Variants in CELF4 observed in about 807,000 individuals in gnomAD.
CELF4 encodes the protein CUGBP Elav-like family member 4, also known as CUG-BP- and ETR-3-like factor 4.
CELF4 carries 18 observed loss-of-function variants against 59.9 expected under a neutral mutation model. The ratio of observed to expected loss-of-function variants is 0.30; its 90% CI spans 0.21 to 0.45. The LOEUF is 0.45. Among genes scored for constraint, CELF4 ranks in the 20% least tolerant of loss-of-function variants. The pLI, the probability that CELF4 is intolerant of heterozygous loss-of-function variation, is 1.00. For missense variants in CELF4, 456 were observed against 689.0 expected (o/e 0.66, Z 3.79); for synonymous variants, 261 against 267.1 (o/e 0.98, Z 0.22).
chr18:37,420,199 A>G (rs1569569334), intron 2 of CELF4, among the ~76,000 whole-genome samples: 1 of 152,210 alleles, frequency 6.6e-6, no homozygotes, highest in East Asian at 1.9e-4. Flanking sequence ...AGCAGGCAGC[A>G]GCTGGGAGAG....
chr18:37,285,690 C>T (rs1416149929), intron 3 of CELF4, among the ~76,000 whole-genome samples: 1 of 152,224 alleles, frequency 6.6e-6, no homozygotes, highest in Non-Finnish European at 1.5e-5. Flanking sequence ...CTGCCTCCCT[C>T]TCTGGCCTTC....
At chr18:37,522,695 C>A (rs961548419) in intron 1 of CELF4, among the ~76,000 whole-genome samples, 1 of 152,120 alleles carries the variant, frequency 6.6e-6, no homozygotes, top group Non-Finnish European at 1.5e-5. Flanking sequence ...GTCCCATCAC[C>A]CCTTCACACC....
At chr18:37,451,738 C>G (rs999366827) in intron 2 of CELF4, among the ~76,000 whole-genome samples, 1 of 152,162 alleles carries the variant, frequency 6.6e-6, no homozygotes, top group Non-Finnish European at 1.5e-5. Flanking sequence ...TCAGACATGA[C>G]GTGGGACAGC....
At chr18:37,265,666 G>A (rs2077185971) in intron 9 of CELF4, among the ~76,000 whole-genome samples, 1 of 152,144 alleles carries the variant, frequency 6.6e-6, no homozygotes, top group South Asian at 2.1e-4. Context: ...TCCTCTGCCT[G>A]GCCTGGCTCC....
In CELF4 at chr18:37,243,192, T is replaced by TC. The variant is rs1209951351; in HGVS notation, c.*2049_*2050insG. ...CTTTTTTTTTTCTTTTTTTCTTTTT[T>TC]TTTTTTTTTTTTTTACATCTGGACA... On this transcript the variant is annotated 3_prime_UTR_variant, in exon 13 of 13. Coordinates refer to ENST00000420428, the MANE Select transcript of CELF4 (RefSeq NM_020180.4). The TC allele has an allele frequency of 2.7e-5, 4 of 147,294 alleles. No homozygotes were observed. Among genetic ancestry groups the TC allele is most frequent in the African/African-American group, 1.0e-4 (4 of 40,168 alleles). 9.1% of individuals were successfully genotyped at this position (147,294 alleles called of 1,614,324 possible). A position where few individuals can be genotyped will look rare whatever the true frequency, so the allele number is the denominator to read the frequency against.
chr18:37,530,451 G>A (rs756109122), intron 1 of CELF4, among the ~76,000 whole-genome samples: 1 of 152,110 alleles, frequency 6.6e-6, no homozygotes, highest in East Asian at 1.9e-4. Flanking sequence ...GTGGCCCTAG[G>A]GGAGAAGCAA....
intron 1 of CELF4, among the ~76,000 whole-genome samples, chr18:37,506,766 T>A (rs1350337850): frequency 6.6e-6 from 1 of 152,198 alleles, no homozygotes; most frequent in Non-Finnish European, 1.5e-5. Context: ...ATGTGGCGCT[T>A]CCCTGGGAAA....
chr18:37,292,363 G>C (rs1432738135), intron 3 of CELF4, among the ~76,000 whole-genome samples: 1 of 152,190 alleles, frequency 6.6e-6, no homozygotes, highest in Non-Finnish European at 1.5e-5. Flanking sequence ...AGAAGTGGAG[G>C]ATTGTGGTGA....
At chr18:37,459,283 C>T (rs1177857907) in intron 2 of CELF4, among the ~76,000 whole-genome samples, 1 of 152,200 alleles carries the variant, frequency 6.6e-6, no homozygotes. Context: ...ATGACACTGG[C>T]TCCATGCTTA....
intron 2 of CELF4, among the ~76,000 whole-genome samples, chr18:37,441,091 T>C (rs973233420): frequency 1.3e-5 from 2 of 152,180 alleles, no homozygotes; most frequent in African/African-American, 4.8e-5. Context: ...TCAGACTGTC[T>C]CTCCCCGCTG....
Position 37,361,094 on chromosome 18 carries a change from A to T in CELF4, c.370-39213T>A, listed in dbSNP as rs76792387. Reference sequence around the variant, plus strand: ...AATGCTGGACATACATTAAGCCTTGACAATTCTGCTTGTGAAGGCCATTCA... The same window carrying T: ...AATGCTGGACATACATTAAGCCTTGTCAATTCTGCTTGTGAAGGCCATTCA... On this transcript the variant is annotated intron_variant, in intron 2 of 12. Coordinates refer to ENST00000420428, the MANE Select transcript of CELF4 (RefSeq NM_020180.4). Among the ~76,000 whole-genome samples the T allele has an allele frequency of 2.9e-3, 434 of 152,184 alleles. 19 individuals carry two copies. In the East Asian group the frequency reaches 0.065, roughly 23 times the overall value.
At chr18:37,314,589 C>T (rs1176034414) in intron 3 of CELF4, among the ~76,000 whole-genome samples, 1 of 152,136 alleles carries the variant, frequency 6.6e-6, no homozygotes, top group Non-Finnish European at 1.5e-5. Flanking sequence ...GGTAGGGGAA[C>T]ATAAAAGATG....
chr18:37,316,055 G>A (rs2096858570), intron 3 of CELF4, among the ~76,000 whole-genome samples: 1 of 152,136 alleles, frequency 6.6e-6, no homozygotes, highest in Non-Finnish European at 1.5e-5. Flanking sequence ...GGGCTGCAGG[G>A]CAGCTTCCTA....
In CELF4 at chr18:37,533,092, A is replaced by G. The variant is rs1457064889; in HGVS notation, c.286+32264T>C. On this transcript the variant is annotated intron_variant, in intron 1 of 12. Coordinates refer to ENST00000420428, the MANE Select transcript of CELF4 (RefSeq NM_020180.4). ...CACTTCCAGAACGCAGCCTTCCAGC[A>G]AGCTGGCCCAGCCACTCCAGATACC... Among the ~76,000 whole-genome samples, 14 of 152,264 alleles carry G rather than the reference A, an allele frequency of 9.2e-5. 1 individual carries two copies. Among genetic ancestry groups the G allele is most frequent in the Non-Finnish European group, 2.1e-4 (14 of 68,048 alleles).
At chr18:37,461,971 T>C (rs1398871665) in intron 2 of CELF4, among the ~76,000 whole-genome samples, 1 of 152,128 alleles carries the variant, frequency 6.6e-6, no homozygotes, top group Non-Finnish European at 1.5e-5. Context: ...GTCATAGTGG[T>C]ACTGTTGAAA....
intron 3 of CELF4, among the ~76,000 whole-genome samples, chr18:37,318,053 T>C (rs1405407422): frequency 6.6e-6 from 1 of 152,146 alleles, no homozygotes; most frequent in South Asian, 2.1e-4. Flanking sequence ...CCTAAGCAGA[T>C]AAGACATCTT....
chr18:37,378,835 A>G (rs481585), intron 2 of CELF4, among the ~76,000 whole-genome samples: 125,790 of 152,114 alleles, frequency 0.83, 52,112 homozygotes, highest in East Asian at 0.93. Context: ...CCCTGGGGAC[A>G]GCATGGATGG....
chr18:37,428,341 G>A (rs777018252), intron 2 of CELF4, among the ~76,000 whole-genome samples: 1 of 152,088 alleles, frequency 6.6e-6, no homozygotes, highest in African/African-American at 2.4e-5. Flanking sequence ...GAACCTGACC[G>A]GCTGACATTT....
At chr18:37,292,175 A>AC (rs1007216018) in intron 3 of CELF4, among the ~76,000 whole-genome samples, 2 of 98,278 alleles carry the variant, frequency 2.0e-5, no homozygotes, top group African/African-American at 1.4e-4. Flanking sequence ...TGAGAAATCG[A>AC]TTTATTGTTG....
Sources: allele counts gnomAD v4.1 joint callset (sites outside exome capture counted in the v4.1 genomes callset), GRCh38; gene constraint gnomAD v4.1.1; transcripts MANE v1.5; gene names NCBI Gene and HGNC (gene_info 2026-07-23, HGNC 2026-07-21).